Variants in PIK3C3 observed in about 807,000 individuals in gnomAD.
PIK3C3 encodes the protein PI3-kinase type 3.
In PIK3C3, 95 loss-of-function variants were observed where a neutral mutation model predicts 126.1. The observed-to-expected ratio is 0.75, with a 90% CI of 0.64 to 0.89. PIK3C3 has a LOEUF of 0.89. Ranked by LOEUF, PIK3C3 falls within the 40% of genes least tolerant of loss-of-function variation. PIK3C3 has a pLI of 0.00. For missense variants in PIK3C3, 829 were observed against 1,063.2 expected (o/e 0.78, Z 3.06); for synonymous variants, 374 against 360.0 (o/e 1.04, Z -0.44).
chr18:41,964,851 AAATCTAGATGT>A (rs1254605227), intron 3 of PIK3C3, among the ~76,000 whole-genome samples: 2 of 152,152 alleles, frequency 1.3e-5, no homozygotes, highest in Non-Finnish European at 2.9e-5. Context: ...CTCATGAATG[AAATCTAGATGT>A]AATCCCATTT....
At chr18:42,035,053 T>C (rs575769291) in intron 16 of PIK3C3, among the ~76,000 whole-genome samples, 5 of 152,340 alleles carry the variant, frequency 3.3e-5, no homozygotes, top group East Asian at 1.9e-4. Context: ...TAAATGTTGC[T>C]TACAACCTAT....
rs1985558670 is a variant in PIK3C3 at position 42,066,775 on chromosome 18, C to CT, written c.2524-610dup. Among the ~76,000 whole-genome samples the CT allele has an allele frequency of 2.0e-5, 3 of 152,076 alleles. No individual in the cohort carries two copies. In the South Asian group the frequency reaches 6.2e-4, roughly 32 times the overall value. On this transcript the variant is annotated intron_variant, in intron 23 of 24. Transcript: ENST00000262039. ...TAATGCTACTGAAAATCAAGTGTAG[C>CT]TTTAAATAAGACTAAAAAAATTATT...
At position 42,076,123 on chromosome 18, in the gene PIK3C3, C is replaced by CATATATATAT. The variant is rs1568013588; in HGVS notation, c.2650-5000_2650-4999insATATATATAT. Among the ~76,000 whole-genome samples the CATATATATAT allele has an allele frequency of 5.6e-4, 17 of 30,246 alleles. 1 individual carries two copies. Among genetic ancestry groups the CATATATATAT allele is most frequent in the Middle Eastern group, 0.017 (1 of 58 alleles). The allele number at this position is 30,246 out of a possible 152,430, so 19.8% of individuals were successfully genotyped here. A position where few individuals can be genotyped will look rare whatever the true frequency, so the allele number is the denominator to read the frequency against. On this transcript the variant is annotated intron_variant, in intron 24 of 24. Transcript: ENST00000262039. ...ATATATATATATATATATATATATGCGCATATATATATATATATATGCGCA... is the reference window on the plus strand; with the variant it reads ...ATATATATATATATATATATATATGCATATATATATGCATATATATATATATATATGCGCA...
chr18:42,055,528 G>A (rs776089083), intron 21 of PIK3C3, among the ~76,000 whole-genome samples: 1 of 151,932 alleles, frequency 6.6e-6, no homozygotes, highest in Non-Finnish European at 1.5e-5. Context: ...GGAAAGATAC[G>A]ACATTCAATT....
At chr18:42,070,496 C>A (rs1985728006) in intron 24 of PIK3C3, 1 of 151,928 alleles carries the variant, frequency 6.6e-6, no homozygotes, top group South Asian at 2.1e-4. Context: ...TTTCTTAATT[C>A]TCTTTATTAA....
chr18:41,968,344 C>A (rs1980478005), intron 3 of PIK3C3, among the ~76,000 whole-genome samples: 1 of 152,032 alleles, frequency 6.6e-6, no homozygotes, highest in Admixed American at 6.6e-5. Flanking sequence ...TCTAAGCAGG[C>A]CTGCTTAATG....
intron 16 of PIK3C3, among the ~76,000 whole-genome samples, chr18:42,035,429 T>G (rs1011286613): frequency 3.9e-5 from 6 of 152,248 alleles, no homozygotes; most frequent in African/African-American, 1.4e-4. Context: ...TATATCTCCC[T>G]CTATTGGTAG....
intron 12 of PIK3C3, among the ~76,000 whole-genome samples, chr18:42,017,897 C>T (rs1983147624): frequency 1.3e-5 from 2 of 151,950 alleles, no homozygotes; most frequent in African/African-American, 4.8e-5. Context: ...TGTTTTATAA[C>T]TGGAACTTTT....
intron 20 of PIK3C3, among the ~76,000 whole-genome samples, chr18:42,044,395 T>TTTTTC (rs372010751): frequency 6.6e-6 from 1 of 152,028 alleles, no homozygotes; most frequent in South Asian, 2.1e-4. Flanking sequence ...TTTCTTTATT[T>TTTTTC]TTTTCTTTTC....
intron 3 of PIK3C3, among the ~76,000 whole-genome samples, chr18:41,969,841 A>T (rs935388730): frequency 3.9e-5 from 6 of 152,360 alleles, no homozygotes; most frequent in African/African-American, 1.4e-4. Flanking sequence ...GAGGTTAAGT[A>T]GTTTACCCTA....
chr18:41,985,107 T>C (rs1981401612), intron 4 of PIK3C3: 1 of 152,096 alleles, frequency 6.6e-6, no homozygotes, highest in Non-Finnish European at 1.5e-5. Flanking sequence ...GTGTTAGAAA[T>C]GTGAGTAAAG....
At chr18:42,078,313 C>G (rs1012059556) in intron 24 of PIK3C3, among the ~76,000 whole-genome samples, 1 of 141,568 alleles carries the variant, frequency 7.1e-6, no homozygotes, top group Non-Finnish European at 1.5e-5. Context: ...GGAAGCGGAG[C>G]TTGCAGTGAG....
In PIK3C3 at chr18:41,985,506, A is replaced by G. The variant is rs182131575; in HGVS notation, c.532-2306A>G. Among the ~76,000 whole-genome samples, 684 of 152,280 alleles carry G rather than the reference A, an allele frequency of 4.5e-3. 4 individuals carry two copies. Among genetic ancestry groups the G allele is most frequent in the Admixed American group, 8.7e-3 (133 of 15,282 alleles). ...TGCAATCGGTTTTGCACTCAACAAT[A>G]TCTTTCCTGTGAAGGCATACAGATT... On this transcript the variant is annotated intron_variant, in intron 4 of 24. Transcript: ENST00000262039.
chr18:42,020,749 G>T (rs760149224), intron 13 of PIK3C3, 44 bp downstream of exon 13: 10 of 1,102,384 alleles, frequency 9.1e-6, no homozygotes, highest in African/African-American at 6.4e-5. Flanking sequence ...TTACCCTTAA[G>T]AATTATTTTT....
intron 4 of PIK3C3, among the ~76,000 whole-genome samples, chr18:41,981,789 T>G (rs1323108208): frequency 6.0e-5 from 9 of 149,880 alleles, no homozygotes; most frequent in African/African-American, 2.4e-5. Context: ...GTGAAACCCC[T>G]TCTGTACTAA....
rs1253032956 is a variant in PIK3C3 at position 42,004,504 on chromosome 18, G to A, written c.1133G>A (p.Arg378His). ...SSHYTNPTVR[R>H]YAVARLRQAD... Reference sequence around the variant, plus strand: ...CATTACACCAACCCAACTGTGAGGCGTTATGCTGTTGCCCGGTTGCGACAG... The same window carrying A: ...CATTACACCAACCCAACTGTGAGGCATTATGCTGTTGCCCGGTTGCGACAG... The change falls in exon 10 of 25, where the codon CGT becomes CAT. Residue 378 changes from arginine to histidine, a missense_variant. This residue lies in a region of PIK3C3 where 64 missense variants were observed against 118.7 expected (regional missense o/e 0.54). Transcript: ENST00000262039. 1.1e-5 allele frequency: 17 copies of A among 1,603,532 alleles called. No individual in the cohort carries two copies. The highest frequency in any genetic ancestry group is 1.4e-5 in the Non-Finnish European group (17 of 1,177,324).
At position 41,962,597 on chromosome 18, in the gene PIK3C3, A is replaced by G; in HGVS notation, c.366A>G (p.Val122=). Residue 122 remains valine, a synonymous_variant, in exon 3 of 25, where the codon GTA becomes GTG. Transcript: ENST00000262039. ...DVYGPGKAVP[V]GGTTVSLFGK... ...ATGGTCCCGGAAAAGCAGTGCCTGTAGGAGGAACAACGGTTTCGCTCTTTG... is the reference window on the plus strand; with the variant it reads ...ATGGTCCCGGAAAAGCAGTGCCTGTGGGAGGAACAACGGTTTCGCTCTTTG... 1 of 1,612,440 alleles carries G rather than the reference A, an allele frequency of 6.2e-7. No homozygotes were observed.
At chr18:42,007,185 G>A (rs1282971251) in intron 10 of PIK3C3, among the ~76,000 whole-genome samples, 1 of 152,048 alleles carries the variant, frequency 6.6e-6, no homozygotes, top group Non-Finnish European at 1.5e-5. Flanking sequence ...TCATATTCTT[G>A]AATAAACTGC....
chr18:41,976,253 T>G (rs1026807539), intron 4 of PIK3C3, among the ~76,000 whole-genome samples: 11 of 152,182 alleles, frequency 7.2e-5, no homozygotes, highest in Non-Finnish European at 1.5e-4. Flanking sequence ...AATGGGTACT[T>G]GTCCTAGAGC....
Sources: allele counts gnomAD v4.1 joint callset (sites outside exome capture counted in the v4.1 genomes callset), GRCh38; gene constraint gnomAD v4.1.1; regional missense constraint gnomAD v4.1.1; transcripts MANE v1.5; gene names NCBI Gene and HGNC (gene_info 2026-07-23, HGNC 2026-07-21).